The following CNTNAP4 variants were observed in gnomAD, a reference collection of about 807,000 sequenced individuals.
CNTNAP4 encodes contactin associated protein family member 4.
A neutral mutation model predicts 148.4 loss-of-function variants in CNTNAP4; 98 were observed. That is an observed-to-expected ratio of 0.66 (90% CI 0.56 to 0.78). The LOEUF (loss-of-function observed/expected upper bound fraction) is 0.78. Ranked by LOEUF, CNTNAP4 falls within the 30% of genes least tolerant of loss-of-function variation. The pLI is 0.00. For missense variants in CNTNAP4, 1,935 were observed against 1,565.6 expected (o/e 1.24, Z -3.98); for synonymous variants, 730 against 565.1 (o/e 1.29, Z -4.14).
intron 17 of CNTNAP4, among the ~76,000 whole-genome samples, chr16:76,524,651 G>A (rs1042955498): frequency 1.3e-4 from 20 of 152,182 alleles, no homozygotes; most frequent in African/African-American, 4.8e-4. Flanking sequence ...TTTTAACATC[G>A]ATCATGTGAT....
At chr16:76,349,163 C>G (rs776128816) in intron 2 of CNTNAP4, among the ~76,000 whole-genome samples, 7 of 152,114 alleles carry the variant, frequency 4.6e-5, no homozygotes, top group Non-Finnish European at 1.0e-4. Context: ...CTCTCCTTCT[C>G]TCTCTTTTGG....
At chr16:76,445,056 G>C (rs2080188779) in intron 4 of CNTNAP4, among the ~76,000 whole-genome samples, 1 of 152,078 alleles carries the variant, frequency 6.6e-6, no homozygotes. Flanking sequence ...TCTCTCTTAT[G>C]ACAGTGAATG....
At chr16:76,436,331 C>T (rs988401229) in intron 4 of CNTNAP4, among the ~76,000 whole-genome samples, 17 of 152,126 alleles carry the variant, frequency 1.1e-4, no homozygotes, top group African/African-American at 2.9e-4. Flanking sequence ...CATCAGGGTC[C>T]TCCCGCACAT....
rs889070164 is a variant in CNTNAP4 at position 76,448,833 on chromosome 16, A to C, written c.809A>C (p.Gln270Pro). The change falls in exon 6 of 24, where the codon CAG becomes CCG. Residue 270 changes from glutamine (Q) to proline (P), a missense_variant. Physicochemically the swap from Gln to Pro is moderately conservative, Grantham distance 76. Transcript: ENST00000611870. ...ACCCTGGGCAGCCTGCTAGATGATC[A>C]GCATTGGCATTCAGTGCTCATCCAG... ...NLTLGSLLDD[Q>P]HWHSVLIQRL... 1 of 1,612,944 alleles carries C rather than the reference A, an allele frequency of 6.2e-7. No individual in the cohort carries two copies. Among genetic ancestry groups the C allele is most frequent in the Non-Finnish European group, 8.5e-7 (1 of 1,179,548 alleles).
chr16:76,385,799 A>G (rs1481897401), intron 3 of CNTNAP4, among the ~76,000 whole-genome samples: 4 of 152,088 alleles, frequency 2.6e-5, no homozygotes, highest in Non-Finnish European at 5.9e-5. Context: ...TATTGAGCTC[A>G]TGGCCAACAG....
At chr16:76,325,261 ATATG>A (rs1244996091) in intron 2 of CNTNAP4, among the ~76,000 whole-genome samples, 1 of 152,170 alleles carries the variant, frequency 6.6e-6, no homozygotes, top group Non-Finnish European at 1.5e-5. Context: ...AAAAATTAAA[ATATG>A]TAATGTATAT....
At chr16:76,333,272 G>A (rs1479777695) in intron 2 of CNTNAP4, among the ~76,000 whole-genome samples, 1 of 152,060 alleles carries the variant, frequency 6.6e-6, no homozygotes, top group Non-Finnish European at 1.5e-5. Context: ...GCCATGATGT[G>A]TCTCTTGTAT....
intron 8 of CNTNAP4, among the ~76,000 whole-genome samples, chr16:76,455,214 G>A (rs1231430942): frequency 6.6e-6 from 1 of 152,270 alleles, no homozygotes; most frequent in Admixed American, 6.5e-5. Flanking sequence ...GAGCAGTACA[G>A]TTTTATGTTC....
chr16:76,300,479 A>G (rs1045889151), intron 1 of CNTNAP4, among the ~76,000 whole-genome samples: 6 of 152,096 alleles, frequency 3.9e-5, no homozygotes, highest in Non-Finnish European at 5.9e-5. Context: ...ACAAACCACC[A>G]TGGCACGTGT....
At chr16:76,383,301 C>T (rs1427364809) in intron 3 of CNTNAP4, among the ~76,000 whole-genome samples, 1 of 146,032 alleles carries the variant, frequency 6.8e-6, no homozygotes. Context: ...GAAACAGAGA[C>T]AACAAGGTAG....
At chr16:76,456,870 G>A (rs8060483) in intron 8 of CNTNAP4, among the ~76,000 whole-genome samples, 126,266 of 152,128 alleles carry the variant, frequency 0.83, 53,009 homozygotes, top group Non-Finnish European at 0.9. Context: ...GCAGCTGGAT[G>A]TGACCTCGGT....
chr16:76,431,191 AG>A (rs2079592431), intron 4 of CNTNAP4, among the ~76,000 whole-genome samples: 1 of 152,178 alleles, frequency 6.6e-6, no homozygotes, highest in African/African-American at 2.4e-5. Context: ...TGGTCCAAAT[AG>A]GAAAAGTGCT....
intron 4 of CNTNAP4, among the ~76,000 whole-genome samples, chr16:76,431,047 G>A (rs1003329861): frequency 6.6e-6 from 1 of 152,156 alleles, no homozygotes; most frequent in African/African-American, 2.4e-5. Context: ...TATGAACTAA[G>A]TATAAAATAT....
chr16:76,453,073 A>G (rs1437169587), intron 8 of CNTNAP4, among the ~76,000 whole-genome samples: 1 of 152,218 alleles, frequency 6.6e-6, no homozygotes, highest in Non-Finnish European at 1.5e-5. Context: ...TGGGGAAAAC[A>G]TGAAGACCTT....
At position 76,509,515 on chromosome 16, in the gene CNTNAP4, ATATC is replaced by A. The variant is rs1234114194; in HGVS notation, c.2365+10824_2365+10827del. On this transcript the variant is annotated intron_variant, in intron 15 of 23. Transcript: ENST00000611870. ...AGCCAAGATGGCTCATGAAATTTAT[ATATC>A]TAACGAAGTATATTCAACGTAAGTG... Among the ~76,000 whole-genome samples the A allele has an allele frequency of 2.0e-5, 2 of 98,128 alleles. 1 individual carries two copies. The highest frequency in any genetic ancestry group is 5.8e-5 in the Non-Finnish European group (2 of 34,584). The allele number at this position is 98,128 out of a possible 152,430, so 64.4% of individuals were successfully genotyped here. A position where few individuals can be genotyped will look rare whatever the true frequency, so the allele number is the denominator to read the frequency against.
intron 10 of CNTNAP4, among the ~76,000 whole-genome samples, chr16:76,468,048 C>A (rs2143508225): frequency 6.6e-6 from 1 of 152,212 alleles, no homozygotes; most frequent in African/African-American, 2.4e-5. Flanking sequence ...ATGAACTTCT[C>A]TAGAGAAGCT....
chr16:76,495,148 T>C, intron 14 of CNTNAP4, 82 bp downstream of exon 14: 2 of 1,436,488 alleles, frequency 1.4e-6, no homozygotes, highest in South Asian at 1.2e-5. Flanking sequence ...GCTAGCCAGA[T>C]ACTGAACAAG....
intron 12 of CNTNAP4, among the ~76,000 whole-genome samples, chr16:76,483,065 G>T (rs2081895645): frequency 6.6e-6 from 1 of 151,636 alleles, no homozygotes; most frequent in African/African-American, 2.4e-5. Flanking sequence ...TGGATAGGTT[G>T]GATTGTGAGT....
At chr16:76,440,509 A>G (rs979844482) in intron 4 of CNTNAP4, among the ~76,000 whole-genome samples, 1 of 152,174 alleles carries the variant, frequency 6.6e-6, no homozygotes, top group Non-Finnish European at 1.5e-5. Flanking sequence ...AATAAATAAA[A>G]CATTCATTTC....
Sources: gnomAD v4.1 joint callset for allele counts (sites outside exome capture counted in the v4.1 genomes callset) on GRCh38, gnomAD v4.1.1 for gene constraint, MANE v1.5 for transcripts, NCBI Gene and HGNC (gene_info 2026-07-23, HGNC 2026-07-21) for gene names.